The following SLC9A9 variants were observed in gnomAD, a reference collection of about 807,000 sequenced individuals.
The protein encoded by SLC9A9 is sodium/hydrogen exchanger 9.
In SLC9A9, 62 loss-of-function variants were observed where a neutral mutation model predicts 77.8. The observed-to-expected ratio is 0.80, with a 90% CI of 0.65 to 0.98. SLC9A9 has a LOEUF of 0.98. SLC9A9 is among the 50% of genes least tolerant of loss of function. SLC9A9 has a pLI of 0.00. For missense variants in SLC9A9, 775 were observed against 774.9 expected (o/e 1.00, Z 0.00); for synonymous variants, 320 against 283.5 (o/e 1.13, Z -1.29).
At chr3:143,383,596 C>T (rs2033353153) in intron 12 of SLC9A9, among the ~76,000 whole-genome samples, 1 of 152,168 alleles carries the variant, frequency 6.6e-6, no homozygotes, top group Non-Finnish European at 1.5e-5. Context: ...CTTCCCAGGG[C>T]CTTGGAGGGC....
intron 12 of SLC9A9, among the ~76,000 whole-genome samples, chr3:143,447,421 T>C (rs1056053444): frequency 6.6e-6 from 1 of 152,244 alleles, no homozygotes; most frequent in African/African-American, 2.4e-5. Context: ...GTGTTTCTTT[T>C]GTTGCCAGTA....
chr3:143,653,391 T>C (rs1239018802), intron 5 of SLC9A9, among the ~76,000 whole-genome samples: 1 of 152,214 alleles, frequency 6.6e-6, no homozygotes, highest in African/African-American at 2.4e-5. Flanking sequence ...TCCATTGAAT[T>C]AATTGCCAAG....
At chr3:143,637,311 GA>G (rs2038539882) in intron 6 of SLC9A9, among the ~76,000 whole-genome samples, 1 of 152,100 alleles carries the variant, frequency 6.6e-6, no homozygotes. Flanking sequence ...CTCTGGAAAT[GA>G]AAAATTTACA....
chr3:143,682,759 G>GC (rs1933142225), intron 5 of SLC9A9, among the ~76,000 whole-genome samples: 1 of 152,004 alleles, frequency 6.6e-6, no homozygotes, highest in African/African-American at 2.4e-5. Flanking sequence ...TGGGCTCTTA[G>GC]CCCCCTTCCT....
intron 4 of SLC9A9, among the ~76,000 whole-genome samples, chr3:143,765,974 G>A (rs2108836302): frequency 6.6e-6 from 1 of 152,310 alleles, no homozygotes; most frequent in African/African-American, 2.4e-5. Context: ...AAGATGAGAG[G>A]CATGTGGCCC....
chr3:143,764,456 C>A (rs78760524), intron 4 of SLC9A9, among the ~76,000 whole-genome samples: 5 of 152,220 alleles, frequency 3.3e-5, no homozygotes, highest in Non-Finnish European at 7.3e-5. Flanking sequence ...CTCAGAGTAA[C>A]TTTTGGAAAA....
At chr3:143,658,211 T>G (rs2038925484) in intron 5 of SLC9A9, among the ~76,000 whole-genome samples, 1 of 152,212 alleles carries the variant, frequency 6.6e-6, no homozygotes, top group Non-Finnish European at 1.5e-5. Context: ...AAGCAAAAAC[T>G]CTTTGGAGTC....
At chr3:143,331,702 G>A (rs2031776821) in intron 14 of SLC9A9, among the ~76,000 whole-genome samples, 1 of 152,174 alleles carries the variant, frequency 6.6e-6, no homozygotes, top group Admixed American at 6.5e-5. Flanking sequence ...GATAGTATCT[G>A]CCACCAAGGA....
intron 12 of SLC9A9, among the ~76,000 whole-genome samples, chr3:143,398,419 C>T (rs556887086): frequency 5.1e-4 from 77 of 152,156 alleles, no homozygotes; most frequent in African/African-American, 1.7e-3. Context: ...GGAAGGCAGG[C>T]AGCGGGTGAA....
chr3:143,730,648 G>A (rs1195272330), intron 4 of SLC9A9, among the ~76,000 whole-genome samples: 1 of 152,104 alleles, frequency 6.6e-6, no homozygotes, highest in Non-Finnish European at 1.5e-5. Context: ...ATTATCATCT[G>A]TTAACAAGGC....
At chr3:143,279,519 C>T (rs1181635632) in intron 14 of SLC9A9, among the ~76,000 whole-genome samples, 2 of 152,086 alleles carry the variant, frequency 1.3e-5, no homozygotes, top group Non-Finnish European at 2.9e-5. Flanking sequence ...ATCCATCAAC[C>T]CGTTATCTAC....
intron 6 of SLC9A9, among the ~76,000 whole-genome samples, chr3:143,593,628 G>A (rs908738759): frequency 6.6e-6 from 1 of 152,160 alleles, no homozygotes; most frequent in African/African-American, 2.4e-5. Context: ...AAGGACTGTG[G>A]CACCTTTCAG....
chr3:143,297,028 T>C (rs920037045), intron 14 of SLC9A9, among the ~76,000 whole-genome samples: 2 of 152,364 alleles, frequency 1.3e-5, no homozygotes, highest in Admixed American at 6.5e-5. Context: ...GACTGTGATA[T>C]AGTCCCACTT....
chr3:143,605,669 T>C (rs1161492117), intron 6 of SLC9A9, among the ~76,000 whole-genome samples: 1 of 152,238 alleles, frequency 6.6e-6, no homozygotes. Flanking sequence ...GACAATCATA[T>C]TAGCAGATAT....
At chr3:143,402,119 A>G (rs565857535) in intron 12 of SLC9A9, among the ~76,000 whole-genome samples, 1 of 152,334 alleles carries the variant, frequency 6.6e-6, no homozygotes, top group East Asian at 1.9e-4. Context: ...AAAGATAAGA[A>G]CACTGAGACC....
chr3:143,315,385 T>A (rs1213885927), intron 14 of SLC9A9, among the ~76,000 whole-genome samples: 2 of 152,232 alleles, frequency 1.3e-5, no homozygotes, highest in African/African-American at 2.4e-5. Context: ...ACATGTTCCA[T>A]CTGGGCAGAT....
At chr3:143,288,558 C>T (rs1174574019) in intron 14 of SLC9A9, among the ~76,000 whole-genome samples, 1 of 152,174 alleles carries the variant, frequency 6.6e-6, no homozygotes, top group African/African-American at 2.4e-5. Context: ...AGGTTCTAGA[C>T]ATTGGGCTCA....
chr3:143,797,189 T>TAAAATATATATA (rs144894198), intron 2 of SLC9A9, among the ~76,000 whole-genome samples: 1 of 147,780 alleles, frequency 6.8e-6, no homozygotes, highest in African/African-American at 2.5e-5. Context: ...TATATATATA[T>TAAAATATATATA]AAAATATATA....
intron 1 of SLC9A9, among the ~76,000 whole-genome samples, chr3:143,835,183 C>T (rs1212960016): frequency 6.6e-6 from 1 of 152,250 alleles, no homozygotes; most frequent in African/African-American, 2.4e-5. Context: ...TCCTGGCATC[C>T]TCATGCTCAC....
Sources: allele counts gnomAD v4.1 joint callset (sites outside exome capture counted in the v4.1 genomes callset), GRCh38; gene constraint gnomAD v4.1.1; transcripts MANE v1.5; gene names NCBI Gene and HGNC (gene_info 2026-07-23, HGNC 2026-07-21).